The following PRPF8 variants were observed in gnomAD, a reference collection of about 807,000 sequenced individuals.
The protein encoded by PRPF8 is pre-mRNA-processing-splicing factor 8.
In PRPF8, 64 loss-of-function variants were observed where a neutral mutation model predicts 285.9. The ratio of observed to expected loss-of-function variants is 0.22; its 90% CI spans 0.18 to 0.28. The LOEUF is 0.28. Among genes scored for constraint, PRPF8 ranks in the 10% least tolerant of loss-of-function variants. The pLI, the probability that PRPF8 is intolerant of heterozygous loss-of-function variation, is 1.00. For synonymous variants in PRPF8, 1,325 were observed against 1,118.2 expected, an observed-to-expected ratio of 1.18 and a Z score of -3.69; for missense variants, 1,426 against 3,026.7, an observed-to-expected ratio of 0.47 and a Z score of 12.41.
chr17:1,661,401 A>T lies in PRPF8; in HGVS notation c.4208T>A (p.Leu1403Gln). 6.2e-7 allele frequency: 1 copy of T among 1,614,218 alleles called. No homozygotes were observed. The highest frequency in any genetic ancestry group is 8.5e-7 in the Non-Finnish European group (1 of 1,180,044). Residue 1403 changes from leucine (L) to glutamine (Q), a missense_variant, in exon 27 of 43, where the codon CTG becomes CAG. Leu to Gln is a moderately radical substitution (Grantham distance 113, BLOSUM62 -2). Coordinates refer to ENST00000304992, the MANE Select transcript of PRPF8 (RefSeq NM_006445.4). The surrounding 1 kb of genome is among the most constrained non-coding windows in gnomAD (Gnocchi z 7.3). ...TGAATCTTCTAGGTCTTCTAAAGTCAGGCGTCTTCCAAAAAAAGAAAGATT... is the reference window on the plus strand; with the variant it reads ...TGAATCTTCTAGGTCTTCTAAAGTCTGGCGTCTTCCAAAAAAAGAAAGATT... Reference protein sequence around the residue: ...RQEAIAQNRRLTLEDLEDSWD... With the variant: ...RQEAIAQNRRQTLEDLEDSWD...
rs374356524 is a variant in PRPF8, at chr17:1,679,273, G to A, written c.1409+18C>T. The A allele has an allele frequency of 1.1e-5, 17 of 1,614,022 alleles. No individual in the cohort carries two copies. Among genetic ancestry groups the A allele is most frequent in the Non-Finnish European group, 1.4e-5 (16 of 1,180,018 alleles). On this transcript the variant is annotated intron_variant, in intron 10 of 42. Coordinates refer to ENST00000304992, the MANE Select transcript of PRPF8 (RefSeq NM_006445.4). The surrounding 1 kb of genome is among the most constrained non-coding windows in gnomAD (Gnocchi z 4.7). Reference sequence around the variant, plus strand: ...TCTCTGGAACAGAAGTCTGCGCAGGGCCCCTGGGGCACCTTACCTCTTCTT... The same window carrying A: ...TCTCTGGAACAGAAGTCTGCGCAGGACCCCTGGGGCACCTTACCTCTTCTT...
chr17:1,684,640 G>C (rs1381260392), intron 1 of PRPF8, 58 bp from the exon 2 acceptor site: 1 of 1,525,176 alleles, frequency 6.6e-7, no homozygotes, highest in East Asian at 2.3e-5. Flanking sequence ...CACAAGAAGC[G>C]CAGCAGAAAG....
At position 1,651,378 on chromosome 17, in the gene PRPF8, C is replaced by A. The variant is rs1291755979; in HGVS notation, c.6650+36G>T. On this transcript the variant is annotated intron_variant, in intron 41 of 42. Coordinates refer to ENST00000304992, the MANE Select transcript of PRPF8 (RefSeq NM_006445.4). This position sits in a 1 kb window ranked among gnomAD's most constrained non-coding sequence, Gnocchi z 5.1. ...TCTGGGCCCTGGCCTGCAATCCCTG[C>A]CCCACCATACTTCCTCCCAAGGAGC... 6 of 1,614,060 alleles carry A rather than the reference C, an allele frequency of 3.7e-6. No homozygotes were observed. The South Asian group carries it at 6.6e-5, about 18-fold the overall frequency.
Position 1,668,351 on chromosome 17 carries a change from ATTCTTT to A in PRPF8, c.3774+4724_3774+4729del, listed in dbSNP as rs1248093900. Among the ~76,000 whole-genome samples, 932 of 132,058 alleles carry A rather than the reference ATTCTTT, an allele frequency of 7.1e-3. 8 individuals carry two copies. The highest frequency in any genetic ancestry group is 0.025 in the African/African-American group (884 of 35,406). 86.6% of individuals were successfully genotyped at this position (132,058 alleles called of 152,430 possible). A position where few individuals can be genotyped will look rare whatever the true frequency, so the allele number is the denominator to read the frequency against. ...TTCCAGTATCTCAATGGGGTCTAGC[ATTCTTT>A]TTTTTTTTTTTTTTTTTTTTTTGAG... is the stretch of plus-strand genomic sequence containing the variant. On this transcript the variant is annotated intron_variant, in intron 24 of 42. Transcript: ENST00000304992.
chr17:1,657,410 C>CAGAGG, intron 34 of PRPF8, among the ~76,000 whole-genome samples: 1 of 152,108 alleles, frequency 6.6e-6, no homozygotes, highest in South Asian at 2.1e-4. Flanking sequence ...CTTTGAGAGG[C>CAGAGG]CAAGGCGGGC....
At chr17:1,660,888 T>G in intron 28 of PRPF8, 61 bp from the exon 29 acceptor site, 1 of 1,612,740 alleles carries the variant, frequency 6.2e-7, no homozygotes, top group Non-Finnish European at 8.5e-7. Flanking sequence ...ACTGCTAACC[T>G]CCTGGAGGTG....
chr17:1,674,653 T>C lies in PRPF8; in HGVS notation c.3088A>G (p.Ile1030Val). The change falls in exon 21 of 43, where the codon ATC (isoleucine) becomes GTC (valine). Residue 1030 changes from isoleucine to valine, a missense_variant. By Grantham distance (29) the Ile-to-Val change is conservative (BLOSUM62 3). This residue lies in a region of PRPF8 where 32 missense variants were observed against 89.2 expected (regional missense o/e 0.36). Coordinates refer to ENST00000304992, the MANE Select transcript of PRPF8 (RefSeq NM_006445.4). ...KDMNHTNSYG[I>V]IRGLQFASFI... ...GAGGCAAACTGCAGGCCTCTGATGA[T>C]CCCATATGAATTCGTATGGTTCATG... The C allele has an allele frequency of 6.2e-7, 1 of 1,614,018 alleles. No homozygotes were observed. Among genetic ancestry groups the C allele is most frequent in the African/African-American group, 1.3e-5 (1 of 75,038 alleles).
intron 2 of PRPF8, among the ~76,000 whole-genome samples, chr17:1,684,209 C>T (rs1287972236): frequency 6.6e-6 from 1 of 152,090 alleles, no homozygotes; most frequent in East Asian, 1.9e-4. Context: ...TACAGAGCTT[C>T]AAGGTTTTGT....
intron 24 of PRPF8, among the ~76,000 whole-genome samples, chr17:1,671,850 C>CA (rs1225346730): frequency 0.098 from 4,464 of 45,550 alleles, 96 homozygotes; most frequent in African/African-American, 0.13. Context: ...GACTCCATCT[C>CA]AAAAAAAAAA....
chr17:1,677,846 G>A (rs1329908930), intron 13 of PRPF8, 152 bp from the exon 14 acceptor site: 5 of 970,486 alleles, frequency 5.2e-6, no homozygotes, highest in Non-Finnish European at 7.7e-6. Flanking sequence ...AAAACTCTGG[G>A]ACCTCAACAT....
intron 30 of PRPF8, 147 bp downstream of exon 30, chr17:1,660,285 C>G (rs1429789810): frequency 2.1e-6 from 3 of 1,450,290 alleles, no homozygotes; most frequent in African/African-American, 2.8e-5. Flanking sequence ...TCTACAGTAC[C>G]CTCTCCCCAC....
intron 3 of PRPF8, among the ~76,000 whole-genome samples, chr17:1,682,557 C>G (rs1036346460): frequency 6.6e-6 from 1 of 152,156 alleles, no homozygotes; most frequent in African/African-American, 2.4e-5. Flanking sequence ...GACAGCTTTG[C>G]GGCTCTCTCA....
intron 3 of PRPF8, chr17:1,683,242 G>A (rs1274460591): frequency 1.9e-5 from 8 of 423,562 alleles, no homozygotes; most frequent in Admixed American, 1.7e-4. Flanking sequence ...TGATCCACCC[G>A]CCTCGGCCTC....
rs1267673908 is a variant in PRPF8 at position 1,675,459 on chromosome 17, T to C, written c.2873-120A>G. ...CTATGATTCCACGTATTCATTTGGA[T>C]TGCTTTGACTATGGGCTTTTCCTCA... On this transcript the variant is annotated intron_variant, in intron 19 of 42. Transcript: ENST00000304992. This position sits in a 1 kb window ranked among gnomAD's most constrained non-coding sequence, Gnocchi z 6.0. 5 of 1,442,734 alleles carry C rather than the reference T, an allele frequency of 3.5e-6. No homozygotes were observed. Among genetic ancestry groups the C allele is most frequent in the Non-Finnish European group, 4.9e-6 (5 of 1,029,272 alleles). The allele number at this position is 1,442,734 out of a possible 1,614,324, so 89.4% of individuals were successfully genotyped here.
At chr17:1,674,930 C>A (rs1206205766) in intron 20 of PRPF8, among the ~76,000 whole-genome samples, 1 of 152,110 alleles carries the variant, frequency 6.6e-6, no homozygotes, top group Non-Finnish European at 1.5e-5. Context: ...CACCACCACA[C>A]CCAACTAATT....
intron 24 of PRPF8, among the ~76,000 whole-genome samples, chr17:1,665,159 CAAA>C (rs562789942): frequency 8.6e-4 from 46 of 53,506 alleles, no homozygotes; most frequent in African/African-American, 1.8e-3. Context: ...GACTCTGCCT[CAAA>C]AAAAAAAAAA....
In PRPF8 at chr17:1,659,019, TTTATTA is replaced by T. The variant is rs991350840; in HGVS notation, c.5139-262_5139-257del. ...GGAAAATACACGGATTATTTATTTA[TTTATTA>T]TTATTATTATTTTTCTTTGAGATGG... On this transcript the variant is annotated intron_variant, in intron 32 of 42. Transcript: ENST00000304992. This position sits in a 1 kb window ranked among gnomAD's most constrained non-coding sequence, Gnocchi z 5.1. The T allele has an allele frequency of 2.1e-5, 11 of 513,974 alleles. No individual in the cohort carries two copies. Among genetic ancestry groups the T allele is most frequent in the South Asian group, 2.7e-5 (1 of 36,536 alleles). 31.8% of individuals were successfully genotyped at this position (513,974 alleles called of 1,614,324 possible).
chr17:1,654,972 T>A (rs1282656082), intron 37 of PRPF8: 2 of 197,258 alleles, frequency 1.0e-5, no homozygotes, highest in Non-Finnish European at 2.1e-5. Context: ...TTTTTTTTTT[T>A]TTTTGGAGAC....
chr17:1,674,849 G>A (rs1200332645), intron 20 of PRPF8, among the ~76,000 whole-genome samples, 169 bp from the exon 21 acceptor site: 1 of 152,052 alleles, frequency 6.6e-6, no homozygotes, highest in Non-Finnish European at 1.5e-5. Flanking sequence ...TCAGCTCACT[G>A]CAACCTCCAC....
Sources: allele counts gnomAD v4.1 joint callset (sites outside exome capture counted in the v4.1 genomes callset), GRCh38; gene constraint gnomAD v4.1.1; regional missense constraint gnomAD v4.1.1; non-coding constraint Gnocchi (gnomAD v3.1); transcripts MANE v1.5; gene names NCBI Gene and HGNC (gene_info 2026-07-23, HGNC 2026-07-21).